CADPS2: variants seen among roughly 807,000 people sequenced by gnomAD.
CADPS2 encodes the protein calcium-dependent secretion activator 2.
In CADPS2, 93 loss-of-function variants were observed where a neutral mutation model predicts 172.5. That is an observed-to-expected ratio of 0.54 (90% CI 0.46 to 0.64). The LOEUF is 0.64. CADPS2 is among the 30% of genes least tolerant of loss of function. The probability of loss-of-function intolerance (pLI) is 0.00; values close to 1 mark genes in which losing one functional copy is unlikely to be tolerated. For synonymous variants in CADPS2, 546 were observed against 555.2 expected (o/e 0.98, Z 0.23); for missense variants, 1,420 against 1,565.9 (o/e 0.91, Z 1.57).
At chr7:122,585,898 A>C (rs2069597692) in intron 6 of CADPS2, 1 of 152,008 alleles carries the variant, frequency 6.6e-6, no homozygotes, top group Non-Finnish European at 1.5e-5. Context: ...ATACATGTTC[A>C]TATCTTTTAA....
At chr7:122,503,693 T>C (rs533805542) in intron 9 of CADPS2, among the ~76,000 whole-genome samples, 2 of 152,308 alleles carry the variant, frequency 1.3e-5, no homozygotes, top group South Asian at 4.1e-4. Context: ...CTTATGTTCT[T>C]ATAAGTACTT....
chr7:122,431,253 C>G (rs1238841020), intron 17 of CADPS2, among the ~76,000 whole-genome samples: 1 of 152,084 alleles, frequency 6.6e-6, no homozygotes, highest in Non-Finnish European at 1.5e-5. Flanking sequence ...TACTGAGTAC[C>G]AAATATGTGC....
chr7:122,536,492 T>A (rs2062288455), intron 8 of CADPS2, among the ~76,000 whole-genome samples: 1 of 152,066 alleles, frequency 6.6e-6, no homozygotes, highest in African/African-American at 2.4e-5. Flanking sequence ...AGAAATCACA[T>A]CTGTGAGGAT....
intron 2 of CADPS2, among the ~76,000 whole-genome samples, chr7:122,699,454 T>C (rs1227050379): frequency 6.6e-6 from 1 of 152,178 alleles, no homozygotes; most frequent in Middle Eastern, 3.2e-3. Flanking sequence ...AAAAAAAGGA[T>C]AATTAAAAAT....
At chr7:122,743,642 G>T (rs1352540078) in intron 1 of CADPS2, among the ~76,000 whole-genome samples, 2 of 152,078 alleles carry the variant, frequency 1.3e-5, no homozygotes, top group African/African-American at 4.8e-5. Context: ...AATGAGAAAG[G>T]TTTTTCAAAA....
At chr7:122,850,274 C>A in intron 1 of CADPS2, 1 of 742,032 alleles carries the variant, frequency 1.3e-6, no homozygotes, top group Non-Finnish European at 2.0e-6. Flanking sequence ...GGCCCCAGGA[C>A]TCCCCAGCAG....
At chr7:122,709,819 A>C (rs1226831774) in intron 2 of CADPS2, among the ~76,000 whole-genome samples, 7 of 151,866 alleles carry the variant, frequency 4.6e-5, no homozygotes, top group African/African-American at 1.2e-4. Flanking sequence ...AAAAAACCAA[A>C]CACCACATGT....
chr7:122,366,697 A>G (rs1473937691), intron 25 of CADPS2: 1 of 148,104 alleles, frequency 6.8e-6, no homozygotes, highest in African/African-American at 2.5e-5. Flanking sequence ...ATATATATAT[A>G]TACGTATACA....
intron 1 of CADPS2, among the ~76,000 whole-genome samples, chr7:122,869,737 A>T (rs1819262304): frequency 6.6e-6 from 1 of 152,128 alleles, no homozygotes; most frequent in South Asian, 2.1e-4. Context: ...GAAGATTAAA[A>T]GCCAAACTAT....
chr7:122,587,593 T>C (rs774530674), intron 6 of CADPS2, among the ~76,000 whole-genome samples: 5 of 152,192 alleles, frequency 3.3e-5, no homozygotes, highest in African/African-American at 1.2e-4. Context: ...CATGTATCTT[T>C]GCAACAGAAT....
intron 3 of CADPS2, among the ~76,000 whole-genome samples, chr7:122,630,679 T>C (rs566819408): frequency 6.6e-6 from 1 of 152,242 alleles, no homozygotes; most frequent in Admixed American, 6.5e-5. Flanking sequence ...GTACAAACAA[T>C]AGGTCAGAAA....
Position 122,320,261 on chromosome 7 carries a change from T to C in CADPS2, c.3795A>G (p.Arg1265=), listed in dbSNP as rs772055019. 5 of 1,613,692 alleles carry C rather than the reference T, an allele frequency of 3.1e-6. No individual in the cohort carries two copies. In the East Asian group the frequency reaches 8.9e-5, roughly 29 times the overall value. Residue 1265 remains arginine (R), a synonymous_variant, in exon 30 of 30, where the codon AGA becomes AGG. Coordinates refer to ENST00000449022, the MANE Select transcript of CADPS2 (RefSeq NM_017954.11). Reference sequence around the variant, plus strand: ...CTGTGGCCTCCTCTACTGTTAAACGTCTGTGCACAGTATCATAAGTCTTAC... The same window carrying C: ...CTGTGGCCTCCTCTACTGTTAAACGCCTGTGCACAGTATCATAAGTCTTAC... ...LNSKTYDTVH[R]RLTVEEATAS...
At chr7:122,401,291 T>C (rs2045921533) in intron 20 of CADPS2, among the ~76,000 whole-genome samples, 1 of 152,222 alleles carries the variant, frequency 6.6e-6, no homozygotes, top group Admixed American at 6.5e-5. Context: ...ATGACTTTAA[T>C]GTGCTAGCAA....
intron 1 of CADPS2, among the ~76,000 whole-genome samples, chr7:122,847,484 T>C (rs555572686): frequency 3.9e-5 from 6 of 152,358 alleles, no homozygotes; most frequent in Non-Finnish European, 7.4e-5. Flanking sequence ...CTTTCTTCAA[T>C]AATTATGTGT....
At chr7:122,441,032 G>A (rs1352765827) in intron 16 of CADPS2, among the ~76,000 whole-genome samples, 2 of 151,352 alleles carry the variant, frequency 1.3e-5, no homozygotes, top group Non-Finnish European at 2.9e-5. Flanking sequence ...TTCATTTAAG[G>A]TAACACATAC....
chr7:122,657,971 A>C (rs571458048), intron 3 of CADPS2, among the ~76,000 whole-genome samples: 39 of 152,234 alleles, frequency 2.6e-4, no homozygotes, highest in Middle Eastern at 6.8e-3. Context: ...AATGGGAGAA[A>C]ATTTTTGCAA....
intron 1 of CADPS2, among the ~76,000 whole-genome samples, chr7:122,822,401 T>C (rs1803585130): frequency 6.6e-6 from 1 of 152,042 alleles, no homozygotes; most frequent in South Asian, 2.1e-4. Context: ...TCTCCCACTC[T>C]AGGTTCCCAC....
chr7:122,404,578 A>T (rs982854741), intron 20 of CADPS2, among the ~76,000 whole-genome samples: 2 of 152,196 alleles, frequency 1.3e-5, no homozygotes, highest in Admixed American at 6.5e-5. Flanking sequence ...ACTGACTTCC[A>T]CAATGGTTGA....
chr7:122,593,577 C>G (rs1303821178), intron 6 of CADPS2, among the ~76,000 whole-genome samples: 1 of 151,968 alleles, frequency 6.6e-6, no homozygotes, highest in Non-Finnish European at 1.5e-5. Flanking sequence ...ATAGAAAGTG[C>G]ACAGAGAATG....
Sources: gnomAD v4.1 joint callset for allele counts (sites outside exome capture counted in the v4.1 genomes callset) on GRCh38, gnomAD v4.1.1 for gene constraint, MANE v1.5 for transcripts, NCBI Gene and HGNC (gene_info 2026-07-23, HGNC 2026-07-21) for gene names.